CACNG5: variants seen among roughly 807,000 people sequenced by gnomAD.
CACNG5 encodes the protein calcium voltage-gated channel auxiliary subunit gamma 5, also known as voltage-dependent calcium channel gamma-5 subunit.
A neutral mutation model predicts 24.8 loss-of-function variants in CACNG5; 18 were observed. That is an observed-to-expected ratio of 0.73 (90% CI 0.50 to 1.08). The LOEUF is 1.08. Among genes scored for constraint, CACNG5 ranks in the 50% least tolerant of loss-of-function variants. CACNG5 has a pLI of 0.00. For synonymous variants in CACNG5, 157 were observed against 149.1 expected (o/e 1.05, Z -0.39); for missense variants, 349 against 367.9 (o/e 0.95, Z 0.42).
intron 1 of CACNG5, among the ~76,000 whole-genome samples, chr17:66,844,320 G>A (rs1976607661): frequency 6.6e-6 from 1 of 152,174 alleles, no homozygotes; most frequent in Admixed American, 6.5e-5. Context: ...ACTGTGCAGT[G>A]GACAAAGGGA....
At chr17:66,880,285 G>A (rs929149201) in intron 3 of CACNG5, among the ~76,000 whole-genome samples, 7 of 152,246 alleles carry the variant, frequency 4.6e-5, no homozygotes, top group Non-Finnish European at 4.4e-5. Flanking sequence ...GGACTCCCAG[G>A]AGGGTAGTAG....
rs1013231665 is a variant in CACNG5 at position 66,894,311 on chromosome 17, C to T, written c.*9071C>T. Among the ~76,000 whole-genome samples, 22 of 152,074 alleles carry T rather than the reference C, an allele frequency of 1.4e-4. No individual in the cohort carries two copies. Among genetic ancestry groups the T allele is most frequent in the African/African-American group, 5.3e-4 (22 of 41,382 alleles). On this transcript the variant is annotated 3_prime_UTR_variant, in exon 6 of 6. Coordinates refer to ENST00000533854, the MANE Select transcript of CACNG5 (RefSeq NM_145811.3). ...GGATCCTTAGAAACTCAATGGTGGG[C>T]TTTTTTGCCTGGATTGGGGGAAGAA...
At chr17:66,871,945 C>T (rs1323484722) in intron 1 of CACNG5, among the ~76,000 whole-genome samples, 1 of 152,184 alleles carries the variant, frequency 6.6e-6, no homozygotes, top group African/African-American at 2.4e-5. Context: ...CTACATGTTG[C>T]CATCTCCAGC....
intron 1 of CACNG5, among the ~76,000 whole-genome samples, chr17:66,837,076 T>C (rs1251707732): frequency 6.6e-6 from 1 of 152,228 alleles, no homozygotes; most frequent in African/African-American, 2.4e-5. Flanking sequence ...TCCTCACCTG[T>C]AAGATGGGTC....
chr17:66,882,016 G>A (rs550454110), intron 4 of CACNG5, among the ~76,000 whole-genome samples: 2 of 152,252 alleles, frequency 1.3e-5, no homozygotes, highest in East Asian at 3.9e-4. Flanking sequence ...GATTGGGTTT[G>A]GATTTTCGAA....
At chr17:66,878,545 C>T (rs971690219) in intron 2 of CACNG5, among the ~76,000 whole-genome samples, 4 of 152,252 alleles carry the variant, frequency 2.6e-5, no homozygotes, top group African/African-American at 9.6e-5. Flanking sequence ...TTTGAAGTCA[C>T]TAGGATCTGA....
chr17:66,860,465 G>A (rs1976838643), intron 1 of CACNG5, among the ~76,000 whole-genome samples: 1 of 151,976 alleles, frequency 6.6e-6, no homozygotes, highest in South Asian at 2.1e-4. Context: ...ACACACTGGA[G>A]TCAAGAAGGC....
At chr17:66,884,698 C>T (rs777824211) in intron 5 of CACNG5, 37 bp downstream of exon 5, 1 of 1,614,214 alleles carries the variant, frequency 6.2e-7, no homozygotes, top group Admixed American at 1.7e-5. Flanking sequence ...TAGGCTGGGC[C>T]TGGGCACTGC....
At chr17:66,845,563 A>T (rs1248855340) in intron 1 of CACNG5, among the ~76,000 whole-genome samples, 1 of 151,864 alleles carries the variant, frequency 6.6e-6, no homozygotes, top group Non-Finnish European at 1.5e-5. Flanking sequence ...GATGTTCCCC[A>T]ATTAGGGGTC....
In CACNG5 at chr17:66,837,984, C is replaced by A. The variant is rs1019744204; in HGVS notation, c.-104+2734C>A. Among the ~76,000 whole-genome samples, 30 of 151,930 alleles carry A rather than the reference C, an allele frequency of 2.0e-4. 1 individual carries two copies. The East Asian group carries it at 2.5e-3, about 13-fold the overall frequency. On this transcript the variant is annotated intron_variant, in intron 1 of 5. Transcript: ENST00000533854. ...GGCCTGTGTCTGGGTTGGGCTCCGGCAGCCTGTTCGAGAGGTGAAATAGTC... is the reference window on the plus strand; with the variant it reads ...GGCCTGTGTCTGGGTTGGGCTCCGGAAGCCTGTTCGAGAGGTGAAATAGTC...
chr17:66,863,937 G>A (rs1185899071), intron 1 of CACNG5, among the ~76,000 whole-genome samples: 1 of 152,302 alleles, frequency 6.6e-6, no homozygotes, highest in African/African-American at 2.4e-5. Flanking sequence ...GTGTTTTCAT[G>A]TTATGTTCTG....
rs1284946576 is a variant in CACNG5 at position 66,889,013 on chromosome 17, T to G, written c.*3773T>G. Among the ~76,000 whole-genome samples the G allele has an allele frequency of 1.3e-5, 2 of 152,220 alleles. No homozygotes were observed. Among genetic ancestry groups the G allele is most frequent in the Non-Finnish European group, 2.9e-5 (2 of 68,038 alleles). On this transcript the variant is annotated 3_prime_UTR_variant, in exon 6 of 6. Transcript: ENST00000533854. The stretch of plus-strand genomic sequence containing the variant: ...GATGGTGAAGCTCCTGCTCTGTCAG[T>G]GCAGTGGTGTGATCTCGGCTCACTG...
intron 1 of CACNG5, among the ~76,000 whole-genome samples, chr17:66,874,575 G>C (rs1358902707): frequency 1.3e-5 from 2 of 152,080 alleles, no homozygotes; most frequent in African/African-American, 2.4e-5. Flanking sequence ...TCCAGTCTTC[G>C]AGGGTGAGAA....
At chr17:66,870,078 C>T (rs56813767) in intron 1 of CACNG5, among the ~76,000 whole-genome samples, 60,183 of 150,860 alleles carry the variant, frequency 0.4, 12,545 homozygotes, top group South Asian at 0.56. Context: ...AGTGAAACTC[C>T]GTCTCAAAAA....
At chr17:66,841,663 T>A (rs1976570248) in intron 1 of CACNG5, among the ~76,000 whole-genome samples, 1 of 152,146 alleles carries the variant, frequency 6.6e-6, no homozygotes, top group South Asian at 2.1e-4. Context: ...GGCTTCAGGA[T>A]GGGCAACAGG....
At position 66,850,009 on chromosome 17, in the gene CACNG5, C is replaced by T. The variant is rs191799968; in HGVS notation, c.-104+14759C>T. ...CCCTGGTGCTTCAGGAGGTGGGTCC[C>T]GGTACAACTGCCAGTCAATCCAGCC... On this transcript the variant is annotated intron_variant, in intron 1 of 5. Transcript: ENST00000533854. Among the ~76,000 whole-genome samples, 23 of 152,308 alleles carry T rather than the reference C, an allele frequency of 1.5e-4. No individual in the cohort carries two copies. In the East Asian group the frequency reaches 2.7e-3, roughly 18 times the overall value.
rs1258722765 is a variant in CACNG5, at chr17:66,885,735, G to A, written c.*495G>A. The stretch of plus-strand genomic sequence containing the variant: ...GTGACTCTGATATAGAGGTCTGGCT[G>A]ACTTAGACATGTCAAGCTGTCAGTG... On this transcript the variant is annotated 3_prime_UTR_variant, in exon 6 of 6. Coordinates refer to ENST00000533854, the MANE Select transcript of CACNG5 (RefSeq NM_145811.3). 4.6e-5 allele frequency among the ~76,000 whole-genome samples: 7 copies of A among 152,342 alleles called. No individual in the cohort carries two copies. Among genetic ancestry groups the A allele is most frequent in the Middle Eastern group, 3.4e-3 (1 of 294 alleles).
chr17:66,876,450 T>A (rs1156509269), intron 1 of CACNG5, among the ~76,000 whole-genome samples: 2 of 152,232 alleles, frequency 1.3e-5, no homozygotes, highest in African/African-American at 4.8e-5. Flanking sequence ...CTGGCAGATA[T>A]CAGCAGGTGG....
chr17:66,875,305 G>T lies in CACNG5; in HGVS notation c.-103-1925G>T, dbSNP rs556831364. Among the ~76,000 whole-genome samples, 47 of 152,210 alleles carry T rather than the reference G, an allele frequency of 3.1e-4. 1 individual carries two copies. The highest frequency in any genetic ancestry group is 2.1e-3 in the South Asian group (10 of 4,826). On this transcript the variant is annotated intron_variant, in intron 1 of 5. Transcript: ENST00000533854. ...TTGGCTGGGTGGAGAGGGCTGTTTG[G>T]TGTTTCATTTCTCCCTCCTTTGTCA...
Sources: allele counts gnomAD v4.1 joint callset (sites outside exome capture counted in the v4.1 genomes callset), GRCh38; gene constraint gnomAD v4.1.1; transcripts MANE v1.5; gene names NCBI Gene and HGNC (gene_info 2026-07-23, HGNC 2026-07-21).